The following OR56A3 variants were observed in gnomAD, a reference collection of about 807,000 sequenced individuals.
The protein encoded by OR56A3 is olfactory receptor 56A3.
A neutral mutation model predicts 17.5 loss-of-function variants in OR56A3; 23 were observed. That is an observed-to-expected ratio of 1.32 (90% CI 0.95 to 1.87). The LOEUF is 1.87. Among genes scored for constraint, OR56A3 ranks in the 40% most tolerant of loss-of-function variants. The pLI, the probability that OR56A3 is intolerant of heterozygous loss-of-function variation, is 0.00. For synonymous variants in OR56A3, 175 were observed against 150.6 expected (o/e 1.16, Z -1.19); for missense variants, 366 against 380.1 (o/e 0.96, Z 0.31).
At chr11:6,014,659 T>C in the OR56A3 span, among the ~76,000 whole-genome samples, 107,119 of 151,974 alleles carry the variant, frequency 0.7, 38,037 homozygotes, top group East Asian at 0.94. Context: ...TGGACAGATG[T>C]TGGAAGAATG....
the OR56A3 span, among the ~76,000 whole-genome samples, chr11:5,964,301 A>G: frequency 1.3e-5 from 2 of 152,206 alleles, no homozygotes; most frequent in East Asian, 3.8e-4. Context: ...CCTTATGGTT[A>G]TAAGTTGATG....
chr11:6,011,484 T>C, the OR56A3 span, among the ~76,000 whole-genome samples: 1 of 139,978 alleles, frequency 7.1e-6, no homozygotes, highest in African/African-American at 2.7e-5. Flanking sequence ...GATACCTGTA[T>C]TTTATCTGCC....
rs540202038 is a variant in OR56A3 at position 5,943,781 on chromosome 11, T to C, written c.-313-1025T>C. Among the ~76,000 whole-genome samples, 28 of 152,332 alleles carry C rather than the reference T, an allele frequency of 1.8e-4. No homozygotes were observed. In the South Asian group the frequency reaches 5.2e-3, roughly 28 times the overall value. ...GAGAATACAACTAACCAAGAGGCTG[T>C]GATTTTTAACTGTAAAAATTTTGCA... On this transcript the variant is annotated intron_variant, in intron 1 of 2. Transcript: ENST00000641160.
At chr11:5,990,256 C>T in the OR56A3 span, among the ~76,000 whole-genome samples, 1 of 152,128 alleles carries the variant, frequency 6.6e-6, no homozygotes, top group Non-Finnish European at 1.5e-5. Flanking sequence ...TAAATAAGTG[C>T]ACTAGTGTCT....
chr11:5,972,700 C>T, the OR56A3 span, among the ~76,000 whole-genome samples: 1 of 152,196 alleles, frequency 6.6e-6, no homozygotes, highest in Admixed American at 6.5e-5. Context: ...GCGATTTCGG[C>T]TCACTGCAAT....
downstream of OR56A3, among the ~76,000 whole-genome samples, chr11:5,953,601 C>A (rs967335854): frequency 1.3e-5 from 2 of 152,072 alleles, no homozygotes; most frequent in Non-Finnish European, 2.9e-5. Flanking sequence ...TACTGTAGAT[C>A]CTAGGTAAAG....
In OR56A3 at chr11:5,950,337, C is replaced by T. The variant is rs1847900638; in HGVS notation, c.*2043C>T. 1 of 152,038 alleles carries T rather than the reference C, an allele frequency of 6.6e-6. No homozygotes were observed. The highest frequency in any genetic ancestry group is 1.5e-5 in the Non-Finnish European group (1 of 67,982). 9.4% of individuals were successfully genotyped at this position (152,038 alleles called of 1,614,324 possible). The stretch of plus-strand genomic sequence containing the variant: ...CCTCCCTGAGATTAAGAAAATTTTC[C>T]ATAAGTCTTGTCTTCCCAAAGAACA... On this transcript the variant is annotated 3_prime_UTR_variant, in exon 3 of 3. Coordinates refer to ENST00000641160, the MANE Select transcript of OR56A3 (RefSeq NM_001003443.3).
At chr11:5,945,912 G>C (rs1346073860) in intron 2 of OR56A3, among the ~76,000 whole-genome samples, 1 of 152,206 alleles carries the variant, frequency 6.6e-6, no homozygotes, top group Non-Finnish European at 1.5e-5. Context: ...TTGATGAAAA[G>C]GAATTTCACA....
At position 5,951,000 on chromosome 11, in the gene OR56A3, A is replaced by G. The variant is rs1482556523; in HGVS notation, c.*2706A>G. 1.3e-5 allele frequency: 2 copies of G among 152,136 alleles called. No individual in the cohort carries two copies. The highest frequency in any genetic ancestry group is 2.1e-4 in the South Asian group (1 of 4,812). 9.4% of individuals were successfully genotyped at this position (152,136 alleles called of 1,614,324 possible). Reference sequence around the variant, plus strand: ...GTTTTGGCTATAATTTTTCTTTTTTATATGTTTTGCCAAGGAAGTCAGGGT... The same window carrying G: ...GTTTTGGCTATAATTTTTCTTTTTTGTATGTTTTGCCAAGGAAGTCAGGGT... On this transcript the variant is annotated 3_prime_UTR_variant, in exon 3 of 3. Transcript: ENST00000641160.
At chr11:5,963,513 A>G in the OR56A3 span, among the ~76,000 whole-genome samples, 1 of 152,014 alleles carries the variant, frequency 6.6e-6, no homozygotes, top group Non-Finnish European at 1.5e-5. Flanking sequence ...CACTTTGAAT[A>G]TATCATTCTA....
chr11:5,947,671 A>C lies in OR56A3; in HGVS notation c.325A>C (p.Asn109His), dbSNP rs1847879775. Residue 109 changes from asparagine (N) to histidine (H), a missense_variant, in exon 3 of 3, where the codon AAT (asparagine) becomes CAT (histidine). Transcript: ENST00000641160. ...PACFLQMYIM[N>H]CFLAMESCTF... is the part of the protein sequence containing the mutation. ...CTGCTTCCTCCAGATGTACATCATGAATTGTTTCCTAGCCATGGAGTCTTG... is the reference window on the plus strand; with the variant it reads ...CTGCTTCCTCCAGATGTACATCATGCATTGTTTCCTAGCCATGGAGTCTTG... 1.2e-6 allele frequency: 2 copies of C among 1,614,088 alleles called. No homozygotes were observed. The highest frequency in any genetic ancestry group is 3.3e-5 in the Admixed American group (2 of 60,016).
chr11:6,003,845 A>C, the OR56A3 span, among the ~76,000 whole-genome samples: 1 of 152,336 alleles, frequency 6.6e-6, no homozygotes, highest in Non-Finnish European at 1.5e-5. Flanking sequence ...AAATATATGC[A>C]AGAACCCACT....
At chr11:5,997,637 G>A in the OR56A3 span, among the ~76,000 whole-genome samples, 5 of 152,102 alleles carry the variant, frequency 3.3e-5, no homozygotes, top group Admixed American at 6.5e-5. Flanking sequence ...GAAACATCAC[G>A]GAGACTTGAG....
the OR56A3 span, among the ~76,000 whole-genome samples, chr11:5,995,570 C>T: frequency 6.6e-6 from 1 of 152,106 alleles, no homozygotes; most frequent in African/African-American, 2.4e-5. Flanking sequence ...TCAATACTAC[C>T]CATCAAGGTT....
the OR56A3 span, among the ~76,000 whole-genome samples, chr11:5,956,797 C>T: frequency 6.6e-6 from 1 of 152,160 alleles, no homozygotes; most frequent in Non-Finnish European, 1.5e-5. Flanking sequence ...ACAAACATAC[C>T]TACCTGCCTA....
chr11:5,982,086 C>T, the OR56A3 span, among the ~76,000 whole-genome samples: 1 of 152,172 alleles, frequency 6.6e-6, no homozygotes, highest in East Asian at 1.9e-4. Context: ...GTGGAGGGTG[C>T]TGCCAAAAGT....
the OR56A3 span, among the ~76,000 whole-genome samples, chr11:6,008,602 A>G: frequency 6.6e-6 from 1 of 151,596 alleles, no homozygotes; most frequent in Non-Finnish European, 1.5e-5. Context: ...AATGTTAGAG[A>G]CTCTCAGAAC....
chr11:5,972,736 C>A, the OR56A3 span, among the ~76,000 whole-genome samples: 1 of 152,208 alleles, frequency 6.6e-6, no homozygotes, highest in African/African-American at 2.4e-5. Flanking sequence ...TCAAGCAATT[C>A]TTCTGCCTCA....
the OR56A3 span, among the ~76,000 whole-genome samples, chr11:5,969,944 G>T: frequency 6.6e-6 from 1 of 152,068 alleles, no homozygotes; most frequent in Non-Finnish European, 1.5e-5. Context: ...GACTAGTTGC[G>T]TAGAAGAAGA....
Sources: allele counts gnomAD v4.1 joint callset (sites outside exome capture counted in the v4.1 genomes callset), GRCh38; gene constraint gnomAD v4.1.1; transcripts MANE v1.5; gene names NCBI Gene and HGNC (gene_info 2026-07-23, HGNC 2026-07-21).